The following VWA3B variants were observed in gnomAD, a reference collection of about 807,000 sequenced individuals.
VWA3B encodes the protein von Willebrand factor A domain containing 3B.
Under a neutral mutation model 158.3 loss-of-function variants are expected in VWA3B, and 138 were observed. That is an observed-to-expected ratio of 0.87 (90% CI 0.76 to 1.00). VWA3B has a LOEUF of 1.00. Among genes scored for constraint, VWA3B ranks in the 50% least tolerant of loss-of-function variants. The probability of loss-of-function intolerance (pLI) is 0.00; values close to 1 mark genes in which losing one functional copy is unlikely to be tolerated. For missense variants in VWA3B, 1,555 were observed against 1,565.1 expected (o/e 0.99, Z 0.11); for synonymous variants, 596 against 587.3 (o/e 1.01, Z -0.21).
downstream of VWA3B, among the ~76,000 whole-genome samples, chr2:98,315,417 G>A (rs972713015): frequency 2.6e-5 from 4 of 152,208 alleles, no homozygotes; most frequent in Admixed American, 2.6e-4. Context: ...GTGGGTGATT[G>A]CTATAGGGAT....
downstream of VWA3B, among the ~76,000 whole-genome samples, chr2:98,314,548 C>T (rs1558789994): frequency 6.6e-6 from 1 of 152,186 alleles, no homozygotes; most frequent in East Asian, 1.9e-4. Flanking sequence ...AGCTGAAAAG[C>T]AAGCCTGGGA....
chr2:98,230,822 A>G (rs1685289619), intron 16 of VWA3B, among the ~76,000 whole-genome samples: 1 of 152,240 alleles, frequency 6.6e-6, no homozygotes, highest in South Asian at 2.1e-4. Context: ...AGAAGAAAAA[A>G]TAAAGCCAGA....
chr2:98,289,867 C>T (rs1243207591), intron 22 of VWA3B, among the ~76,000 whole-genome samples: 1 of 152,222 alleles, frequency 6.6e-6, no homozygotes, highest in Non-Finnish European at 1.5e-5. Context: ...TTTTCTTCAA[C>T]TACTCATCCA....
At chr2:98,194,578 A>G in intron 12 of VWA3B, 86 bp downstream of exon 12, 1 of 1,522,206 alleles carries the variant, frequency 6.6e-7, no homozygotes, top group Non-Finnish European at 8.9e-7. Context: ...CATTCCTGAG[A>G]GGTGTTTTGC....
intron 22 of VWA3B, among the ~76,000 whole-genome samples, chr2:98,276,926 T>C (rs1396148436): frequency 3.3e-5 from 5 of 152,170 alleles, no homozygotes; most frequent in African/African-American, 9.6e-5. Context: ...GGCAGCTTCA[T>C]GATTTTTCTG....
At chr2:98,145,679 C>T (rs1019575701) in intron 7 of VWA3B, among the ~76,000 whole-genome samples, 1 of 151,976 alleles carries the variant, frequency 6.6e-6, no homozygotes, top group African/African-American at 2.4e-5. Context: ...ATTGAGCTTA[C>T]ATCAATTTCA....
intron 23 of VWA3B, 145 bp from the exon 24 acceptor site, chr2:98,297,762 A>G (rs889068520): frequency 1.4e-5 from 16 of 1,128,162 alleles, no homozygotes; most frequent in Non-Finnish European, 1.8e-5. Flanking sequence ...ATGGTGCCCA[A>G]GATTATCTGC....
intron 8 of VWA3B, chr2:98,179,247 C>T: frequency 2.1e-6 from 1 of 471,240 alleles, no homozygotes; most frequent in South Asian, 1.5e-5. Flanking sequence ...CCCTTAGGTG[C>T]TGTTCCAAGT....
At chr2:98,159,567 G>A (rs1302047617) in intron 7 of VWA3B, among the ~76,000 whole-genome samples, 2 of 152,130 alleles carry the variant, frequency 1.3e-5, no homozygotes, top group Non-Finnish European at 1.5e-5. Context: ...GTTACCAGGT[G>A]TCTGGGAGGG....
intron 12 of VWA3B, among the ~76,000 whole-genome samples, chr2:98,210,226 A>T (rs1175594663): frequency 6.6e-6 from 1 of 152,168 alleles, no homozygotes; most frequent in Non-Finnish European, 1.5e-5. Flanking sequence ...AGGAGTCTGG[A>T]GCGTGCAGCA....
chr2:98,205,940 CAA>C (rs1682979567), intron 12 of VWA3B, among the ~76,000 whole-genome samples: 1 of 152,186 alleles, frequency 6.6e-6, no homozygotes, highest in Non-Finnish European at 1.5e-5. Flanking sequence ...TTCTGTGACT[CAA>C]GATATGGTCT....
intron 7 of VWA3B, among the ~76,000 whole-genome samples, chr2:98,153,614 G>A (rs1677817459): frequency 4.6e-5 from 7 of 152,182 alleles, no homozygotes; most frequent in Non-Finnish European, 1.5e-5. Context: ...GCTTGGCATT[G>A]CTTCTTTGTT....
chr2:98,174,345 G>T (rs1374023859), intron 8 of VWA3B, among the ~76,000 whole-genome samples: 2 of 152,160 alleles, frequency 1.3e-5, no homozygotes, highest in Non-Finnish European at 2.9e-5. Flanking sequence ...CACAGCCACT[G>T]GAGGGGGCAG....
At chr2:98,246,437 G>A (rs1212479422) in intron 19 of VWA3B, among the ~76,000 whole-genome samples, 1 of 151,964 alleles carries the variant, frequency 6.6e-6, no homozygotes, top group African/African-American at 2.4e-5. Context: ...GAGTGCAGTG[G>A]TGCAATCTCG....
chr2:98,145,785 TC>T (rs1677130521), intron 7 of VWA3B, among the ~76,000 whole-genome samples: 2 of 152,088 alleles, frequency 1.3e-5, no homozygotes, highest in South Asian at 4.1e-4. Flanking sequence ...AGTGACGTGA[TC>T]AAAGATCACT....
intron 26 of VWA3B, among the ~76,000 whole-genome samples, chr2:98,304,115 G>A (rs998515587): frequency 6.6e-6 from 1 of 152,046 alleles, no homozygotes; most frequent in African/African-American, 2.4e-5. Flanking sequence ...GTTGCATTTG[G>A]GTCCAGTCAC....
At chr2:98,215,883 G>T (rs917372213) in intron 13 of VWA3B, among the ~76,000 whole-genome samples, 1 of 143,560 alleles carries the variant, frequency 7.0e-6, no homozygotes, top group African/African-American at 2.5e-5. Context: ...GACACACGTG[G>T]TCTATTTTTT....
At chr2:98,180,161 T>C (rs1680439051) in intron 8 of VWA3B, among the ~76,000 whole-genome samples, 1 of 150,792 alleles carries the variant, frequency 6.6e-6, no homozygotes, top group Non-Finnish European at 1.5e-5. Context: ...CTTTCTTTCT[T>C]TTCTTCTCTC....
chr2:98,155,342 A>T (rs1677972992), intron 7 of VWA3B, among the ~76,000 whole-genome samples: 1 of 152,246 alleles, frequency 6.6e-6, no homozygotes, highest in South Asian at 2.1e-4. Flanking sequence ...TCAACACACA[A>T]CAGATGGGTT....
Sources: gnomAD v4.1 joint callset for allele counts (sites outside exome capture counted in the v4.1 genomes callset) on GRCh38, gnomAD v4.1.1 for gene constraint, MANE v1.5 for transcripts, NCBI Gene and HGNC (gene_info 2026-07-23, HGNC 2026-07-21) for gene names.